Variants in NELL2 observed in about 807,000 individuals in gnomAD.
NELL2 encodes the protein protein kinase C-binding protein NELL2.
In NELL2, 41 loss-of-function variants were observed where a neutral mutation model predicts 109.6. The ratio of observed to expected loss-of-function variants is 0.37; its 90% CI spans 0.29 to 0.49. The LOEUF (loss-of-function observed/expected upper bound fraction) is 0.49. NELL2 is among the 20% of genes least tolerant of loss of function. NELL2 has a pLI of 0.98. For synonymous variants in NELL2, 355 were observed against 344.7 expected (o/e 1.03, Z -0.33); for missense variants, 900 against 1,008.3 (o/e 0.89, Z 1.45).
At chr12:44,647,621 T>C (rs1947139544) in intron 13 of NELL2, among the ~76,000 whole-genome samples, 1 of 152,210 alleles carries the variant, frequency 6.6e-6, no homozygotes, top group African/African-American at 2.4e-5. Context: ...CTAAGTCCAC[T>C]TGAGTTTCGA....
chr12:44,803,838 T>G (rs1942913404), intron 3 of NELL2, among the ~76,000 whole-genome samples: 2 of 151,966 alleles, frequency 1.3e-5, no homozygotes, highest in Admixed American at 1.3e-4. Context: ...TCACTAATAC[T>G]CAAAAATTAG....
At chr12:44,914,853 AT>A (rs57519881), upstream of NELL2, among the ~76,000 whole-genome samples, 5,382 of 146,730 alleles carry the variant, frequency 0.037, 197 homozygotes, top group African/African-American at 0.087. Flanking sequence ...TAAAAAAGAA[AT>A]TTTTTTTTTT....
chr12:44,702,859 C>T (rs926879604), intron 12 of NELL2, among the ~76,000 whole-genome samples: 2 of 152,046 alleles, frequency 1.3e-5, no homozygotes, highest in Non-Finnish European at 2.9e-5. Flanking sequence ...GTTGGTTTCC[C>T]GAGAGCCAAC....
rs557737032 is a variant in NELL2, at chr12:44,713,555, C to T, written c.1086+1095G>A. Among the ~76,000 whole-genome samples, 9 of 152,014 alleles carry T rather than the reference C, an allele frequency of 5.9e-5. No homozygotes were observed. The South Asian group carries it at 1.7e-3, about 28-fold the overall frequency. On this transcript the variant is annotated intron_variant, in intron 10 of 19. Transcript: ENST00000429094. ...AATTCATTTTAATGTTCCTGTGCCT[C>T]TATTCTCTAAGATGAGAACCTACAT...
At chr12:44,831,458 T>A (rs1006913850) in intron 2 of NELL2, among the ~76,000 whole-genome samples, 1 of 152,208 alleles carries the variant, frequency 6.6e-6, no homozygotes, top group African/African-American at 2.4e-5. Context: ...AGATCAGGAA[T>A]AATCCAGTAC....
At chr12:44,791,119 ATG>A (rs1555217772) in intron 3 of NELL2, among the ~76,000 whole-genome samples, 14 of 9,574 alleles carry the variant, frequency 1.5e-3, no homozygotes, top group South Asian at 4.4e-3. Flanking sequence ...GTATATATAT[ATG>A]TATATATATA....
At chr12:44,879,404 A>C (rs940061469), upstream of NELL2, among the ~76,000 whole-genome samples, 32 of 150,766 alleles carry the variant, frequency 2.1e-4, 1 homozygote, top group African/African-American at 6.7e-4. Context: ...AAGTTCAGTA[A>C]ACATGGTTGA....
intron 3 of NELL2, among the ~76,000 whole-genome samples, chr12:44,793,318 CTTGT>C (rs1324870886): frequency 6.6e-6 from 1 of 152,120 alleles, no homozygotes; most frequent in Non-Finnish European, 1.5e-5. Flanking sequence ...CTTTTATCTT[CTTGT>C]TTAACAACAA....
At chr12:44,874,934 T>C (rs759092155) in intron 2 of NELL2, 10 of 280,804 alleles carry the variant, frequency 3.6e-5, no homozygotes, top group Non-Finnish European at 6.0e-5. Flanking sequence ...TATAATTCAT[T>C]GTTCCCCAGA....
At chr12:44,618,181 T>C (rs772718012) in intron 13 of NELL2, among the ~76,000 whole-genome samples, 3 of 152,194 alleles carry the variant, frequency 2.0e-5, no homozygotes, top group Non-Finnish European at 4.4e-5. Context: ...GATGCCCATA[T>C]CAGTAGCAAA....
intron 1 of NELL2, among the ~76,000 whole-genome samples, chr12:44,884,223 T>C (rs890419660): frequency 5.3e-5 from 8 of 151,816 alleles, no homozygotes; most frequent in Admixed American, 3.3e-4. Context: ...CAAAAAATTA[T>C]CAGGAAGAAA....
chr12:44,899,010 G>A (rs995236597), intron 1 of NELL2, among the ~76,000 whole-genome samples: 1 of 151,224 alleles, frequency 6.6e-6, no homozygotes, highest in Non-Finnish European at 1.5e-5. Flanking sequence ...GGATATCAGA[G>A]ATTGAAGATC....
At chr12:44,517,378 TC>T in intron 19 of NELL2, among the ~76,000 whole-genome samples, 4 of 22,116 alleles carry the variant, frequency 1.8e-4, no homozygotes, top group African/African-American at 9.2e-4. Flanking sequence ...ACTTTCTCTC[TC>T]TCTCTCTCTC....
At chr12:44,638,727 C>A (rs1946739135) in intron 13 of NELL2, among the ~76,000 whole-genome samples, 1 of 152,194 alleles carries the variant, frequency 6.6e-6, no homozygotes, top group African/African-American at 2.4e-5. Context: ...CATCTTGTAA[C>A]AACTCATCCA....
chr12:44,787,136 T>C (rs7978611), intron 3 of NELL2, among the ~76,000 whole-genome samples: 35,987 of 151,998 alleles, frequency 0.24, 4,542 homozygotes, highest in South Asian at 0.3. Flanking sequence ...CTAGCAAAAA[T>C]ACATGGATAC....
intron 15 of NELL2, among the ~76,000 whole-genome samples, chr12:44,582,675 GT>G (rs1480519427): frequency 6.6e-6 from 1 of 152,060 alleles, no homozygotes; most frequent in Non-Finnish European, 1.5e-5. Flanking sequence ...ATGACCACAG[GT>G]GTGAGTCACT....
intron 2 of NELL2, among the ~76,000 whole-genome samples, chr12:44,854,642 T>C (rs946423039): frequency 5.5e-4 from 81 of 147,026 alleles, no homozygotes; most frequent in Admixed American, 3.0e-3. Flanking sequence ...ATTAGAGACA[T>C]GTTTATTGGA....
At chr12:44,870,862 C>T (rs934760730) in intron 2 of NELL2, among the ~76,000 whole-genome samples, 1 of 152,124 alleles carries the variant, frequency 6.6e-6, no homozygotes, top group African/African-American at 2.4e-5. Flanking sequence ...ATAACGTAAC[C>T]TATTGTTTGG....
At chr12:44,858,202 T>C (rs1397083154) in intron 2 of NELL2, among the ~76,000 whole-genome samples, 1 of 152,180 alleles carries the variant, frequency 6.6e-6, no homozygotes. Flanking sequence ...ATCAAGTTCA[T>C]ACAACTAGTA....
Sources: gnomAD v4.1 joint callset for allele counts (sites outside exome capture counted in the v4.1 genomes callset) on GRCh38, gnomAD v4.1.1 for gene constraint, MANE v1.5 for transcripts, NCBI Gene and HGNC (gene_info 2026-07-23, HGNC 2026-07-21) for gene names.